The following RABL6 variants were observed in gnomAD, a reference collection of about 807,000 sequenced individuals.
RABL6 encodes RAB, member RAS oncogene family like 6.
Under a neutral mutation model 72.9 loss-of-function variants are expected in RABL6, and 28 were observed. The ratio of observed to expected loss-of-function variants is 0.38; its 90% CI spans 0.28 to 0.53. The LOEUF (loss-of-function observed/expected upper bound fraction) is 0.53, where lower values mean the gene tolerates loss of function less well. Ranked by LOEUF, RABL6 falls within the 20% of genes least tolerant of loss-of-function variation. The pLI is 0.80. For synonymous variants in RABL6, 477 were observed against 421.2 expected (o/e 1.13, Z -1.62); for missense variants, 1,029 against 1,008.4 (o/e 1.02, Z -0.28).
At chr9:136,835,637 G>T in intron 7 of RABL6, 105 bp from the exon 8 acceptor site, 1 of 987,358 alleles carries the variant, frequency 1.0e-6, no homozygotes, top group Non-Finnish European at 1.5e-6. Context: ...AGCATCTCCT[G>T]GTTTTGGCAG....
rs370888955 is a variant in RABL6, at chr9:136,825,838, C to G, written c.313+12C>G. ...TGTAGTAGACAAAGGTGAGGCGTCT[C>G]TGTTCTGTGTCTGCTTCTCTCTGGG... On this transcript the variant is annotated intron_variant, in intron 3 of 14. Coordinates refer to ENST00000311502, the MANE Select transcript of RABL6 (RefSeq NM_024718.5). The G allele has an allele frequency of 5.0e-6, 8 of 1,608,154 alleles. No individual in the cohort carries two copies. In the African/African-American group the frequency reaches 1.1e-4, roughly 22 times the overall value.
intron 1 of RABL6, among the ~76,000 whole-genome samples, chr9:136,823,087 C>CA (rs11296242): frequency 0.021 from 2,525 of 122,716 alleles, 25 homozygotes; most frequent in African/African-American, 0.041. Context: ...GACTCCGTCT[C>CA]AAAAAAAAAA....
At chr9:136,824,326 G>GTTTTTTTT (rs34760204) in intron 2 of RABL6, among the ~76,000 whole-genome samples, 1 of 75,054 alleles carries the variant, frequency 1.3e-5, no homozygotes, top group African/African-American at 5.2e-5. Flanking sequence ...GTTTGGTTGG[G>GTTTTTTTT]TTTTTTTTTT....
At chr9:136,825,869 G>A in intron 3 of RABL6, 43 bp downstream of exon 3, 1 of 1,582,170 alleles carries the variant, frequency 6.3e-7, no homozygotes, top group African/African-American at 1.3e-5. Flanking sequence ...CTGGGACTGT[G>A]TGCTCTGCGC....
intron 7 of RABL6, chr9:136,834,328 T>G: frequency 9.9e-7 from 1 of 1,007,304 alleles, no homozygotes; most frequent in Non-Finnish European, 1.2e-6. Flanking sequence ...AAAAATAAAA[T>G]TCCCAAAGAG....
chr9:136,839,805 G>A lies in RABL6; in HGVS notation c.1870G>A (p.Asp624Asn). 1 of 1,612,804 alleles carries A rather than the reference G, an allele frequency of 6.2e-7. No individual in the cohort carries two copies. Among genetic ancestry groups the A allele is most frequent in the Non-Finnish European group, 8.5e-7 (1 of 1,179,814 alleles). The change falls in exon 13 of 15, where the codon GAC (aspartate) becomes AAC (asparagine). Residue 624 changes from aspartate to asparagine, a missense_variant. Around this residue, in one of 2 missense-constraint regions of RABL6, gnomAD observed 595 missense variants for 472.4 expected, o/e 1.26. Coordinates refer to ENST00000311502, the MANE Select transcript of RABL6 (RefSeq NM_024718.5). ...LPLPAFRLKN[D>N]SDLFGLGLEE... ...TCTCCCCGCCTTCAGACTGAAGAATGACTCGGACCTCTTCGGGCTGGGGCT... is the reference window on the plus strand; with the variant it reads ...TCTCCCCGCCTTCAGACTGAAGAATAACTCGGACCTCTTCGGGCTGGGGCT...
chr9:136,823,733 C>G, intron 2 of RABL6, 74 bp downstream of exon 2: 2 of 1,482,546 alleles, frequency 1.3e-6, no homozygotes, highest in Admixed American at 2.3e-5. Context: ...CTGGGAGATG[C>G]ATTCCCCAGA....
chr9:136,816,724 A>AGGG lies in RABL6; in HGVS notation c.131-6792_131-6790dup, dbSNP rs1212586246. Among the ~76,000 whole-genome samples the AGGG allele has an allele frequency of 4.4e-5, 5 of 113,204 alleles. No individual in the cohort carries two copies. In the South Asian group the frequency reaches 9.8e-4, roughly 22 times the overall value. The allele number at this position is 113,204 out of a possible 152,430, so 74.3% of individuals were successfully genotyped here. ...AGAGTGAGACTCTGTCTCAAAAAAA[A>AGGG]GGGGGGGGGGGTAATTTTTTAAAAT... On this transcript the variant is annotated intron_variant, in intron 1 of 14. Transcript: ENST00000311502.
At chr9:136,811,744 G>A (rs945234800) in intron 1 of RABL6, among the ~76,000 whole-genome samples, 1 of 152,056 alleles carries the variant, frequency 6.6e-6, no homozygotes, top group African/African-American at 2.4e-5. Context: ...CGAACCCCTT[G>A]GCCTCCCAAA....
intron 13 of RABL6, 43 bp downstream of exon 13, chr9:136,839,908 G>A (rs1848658150): frequency 6.3e-7 from 1 of 1,581,858 alleles, no homozygotes; most frequent in Non-Finnish European, 8.6e-7. Context: ...CTGGAGTTTG[G>A]GTAGAACGTG....
intron 1 of RABL6, among the ~76,000 whole-genome samples, chr9:136,818,388 A>AC (rs1848167649): frequency 4.5e-5 from 5 of 110,026 alleles, no homozygotes; most frequent in Admixed American, 9.2e-5. Flanking sequence ...AAAAAAAAAA[A>AC]AAAAAAAAAA....
intron 7 of RABL6, 74 bp from the exon 8 acceptor site, chr9:136,835,666 CAT>C: frequency 7.7e-7 from 1 of 1,306,012 alleles, no homozygotes; most frequent in Non-Finnish European, 1.1e-6. Flanking sequence ...GTCCCCTGTG[CAT>C]TCAGGGGCTG....
intron 1 of RABL6, among the ~76,000 whole-genome samples, chr9:136,820,689 G>A (rs2131171542): frequency 6.6e-6 from 1 of 152,040 alleles, no homozygotes; most frequent in East Asian, 1.9e-4. Flanking sequence ...TTTTTAAAAA[G>A]CAAAAATAAA....
intron 1 of RABL6, chr9:136,821,867 C>T: frequency 8.0e-7 from 1 of 1,250,924 alleles, no homozygotes; most frequent in South Asian, 1.3e-5. Context: ...GCGGAGCCTC[C>T]TGGCTGCCCC....
chr9:136,812,953 A>G (rs1300847113), intron 1 of RABL6: 1 of 352,236 alleles, frequency 2.8e-6, no homozygotes, highest in East Asian at 7.9e-5. Flanking sequence ...GGCCCAGTCC[A>G]AGTTACCTTT....
intron 1 of RABL6, among the ~76,000 whole-genome samples, chr9:136,816,574 G>A (rs376261946): frequency 6.6e-6 from 1 of 152,012 alleles, no homozygotes; most frequent in South Asian, 2.1e-4. Flanking sequence ...AAATTAGCTG[G>A]GTGTGATGGG....
chr9:136,822,495 C>T (rs1262784587), intron 1 of RABL6, among the ~76,000 whole-genome samples: 4 of 152,204 alleles, frequency 2.6e-5, no homozygotes, highest in South Asian at 2.1e-4. Flanking sequence ...CTGCTGCGTC[C>T]GCACAGCTTC....
chr9:136,808,342 C>G lies in RABL6; in HGVS notation c.130+16C>G. The G allele has an allele frequency of 6.7e-7, 1 of 1,493,030 alleles. No individual in the cohort carries two copies. The highest frequency in any genetic ancestry group is 1.5e-5 in the African/African-American group (1 of 68,454). 92.5% of individuals were successfully genotyped at this position (1,493,030 alleles called of 1,614,324 possible). On this transcript the variant is annotated intron_variant, in intron 1 of 14. Coordinates refer to ENST00000311502, the MANE Select transcript of RABL6 (RefSeq NM_024718.5). ...CAGTACAACAGTGAGTGCGGCGGGC[C>G]GGGGGGGCGCGGGAGCGCCGCGCGG...
At chr9:136,821,315 G>C in intron 1 of RABL6, 1 of 984,908 alleles carries the variant, frequency 1.0e-6, no homozygotes, top group Non-Finnish European at 1.2e-6. Context: ...CGCTCTCCGC[G>C]TTGCTAACGC....
Sources: allele counts gnomAD v4.1 joint callset (sites outside exome capture counted in the v4.1 genomes callset), GRCh38; gene constraint gnomAD v4.1.1; regional missense constraint gnomAD v4.1.1; transcripts MANE v1.5; gene names NCBI Gene and HGNC (gene_info 2026-07-23, HGNC 2026-07-21).